Variants in NKX6-1 observed in about 807,000 individuals in gnomAD.
NKX6-1 encodes NK6 homeobox 1, also known as homeobox protein Nkx-6.1.
In NKX6-1, 11 loss-of-function variants were observed where a neutral mutation model predicts 24.9. That is an observed-to-expected ratio of 0.44 (90% CI 0.28 to 0.73). The LOEUF (loss-of-function observed/expected upper bound fraction) is 0.73, where lower values mean the gene tolerates loss of function less well. Among genes scored for constraint, NKX6-1 ranks in the 30% least tolerant of loss-of-function variants. The probability of loss-of-function intolerance (pLI) is 0.15; values close to 1 mark genes in which losing one functional copy is unlikely to be tolerated. For missense variants in NKX6-1, 487 were observed against 502.9 expected (o/e 0.97, Z 0.30); for synonymous variants, 277 against 242.9 (o/e 1.14, Z -1.31).
Position 84,492,970 on chromosome 4 carries a change from G to C in NKX6-1, c.*319C>G, listed in dbSNP as rs981654118. On this transcript the variant is annotated 3_prime_UTR_variant, in exon 3 of 3. Transcript: ENST00000295886. ...TGGGGGCGAGGGGGACCCGGGCGCTGAGGCCGCTGCCCGCCTATGGGGACG... is the reference window on the plus strand; with the variant it reads ...TGGGGGCGAGGGGGACCCGGGCGCTCAGGCCGCTGCCCGCCTATGGGGACG... 2.8e-5 allele frequency: 5 copies of C among 181,606 alleles called. No individual in the cohort carries two copies. Among genetic ancestry groups the C allele is most frequent in the Admixed American group, 6.2e-5 (1 of 16,070 alleles). 11.2% of individuals were successfully genotyped at this position (181,606 alleles called of 1,614,324 possible).
chr4:84,494,305 C>A (rs1331790810), intron 2 of NKX6-1, among the ~76,000 whole-genome samples: 2 of 151,900 alleles, frequency 1.3e-5, no homozygotes, highest in Non-Finnish European at 2.9e-5. Context: ...TTGTCAATTA[C>A]ATTATTTTCC....
At position 84,497,666 on chromosome 4, in the gene NKX6-1, CCCACGGCGG is replaced by C. The variant is rs1720847145; in HGVS notation, c.554_562del (p.Ala185_Val187del). 1 of 1,275,234 alleles carries C rather than the reference CCCACGGCGG, an allele frequency of 7.8e-7. No individual in the cohort carries two copies. Among genetic ancestry groups the C allele is most frequent in the Non-Finnish European group, 9.9e-7 (1 of 1,006,590 alleles). 79.0% of individuals were successfully genotyped at this position (1,275,234 alleles called of 1,614,324 possible). A position where few individuals can be genotyped will look rare whatever the true frequency, so the allele number is the denominator to read the frequency against. ...CTCAGCCAGCGGCTTGGGGTACCGG[CCCACGGCGG>C]CCACGGCCGCGGCGCTGGGGCTGAA... On this transcript the variant is annotated inframe_deletion, in exon 1 of 3. Transcript: ENST00000295886. This position sits in a 1 kb window ranked among gnomAD's most constrained non-coding sequence, Gnocchi z 4.8.
chr4:84,497,823 C>A lies in NKX6-1; in HGVS notation c.406G>T (p.Ala136Ser). The change falls in exon 1 of 3, where the codon GCC (alanine) becomes TCC (serine). Residue 136 changes from alanine (A) to serine (S), a missense_variant. Ala to Ser is a moderately conservative substitution (Grantham distance 99, BLOSUM62 1). Transcript: ENST00000295886. This position sits in a 1 kb window ranked among gnomAD's most constrained non-coding sequence, Gnocchi z 4.8. ...SSSSSASASSASAAAAAAAAA... is the reference protein window; with the variant it reads ...SSSSSASASSSSAAAAAAAAA... ...GCAGCAGCCGCGGCGGCGGCAGAGG[C>A]GGAGGAGGCAGAGGCGGACGAGGAA... 7.9e-7 allele frequency: 1 copy of A among 1,272,590 alleles called. No individual in the cohort carries two copies. 78.8% of individuals were successfully genotyped at this position (1,272,590 alleles called of 1,614,324 possible). A position where few individuals can be genotyped will look rare whatever the true frequency, so the allele number is the denominator to read the frequency against.
At chr4:84,494,434 A>G (rs1656277405) in intron 2 of NKX6-1, among the ~76,000 whole-genome samples, 1 of 152,244 alleles carries the variant, frequency 6.6e-6, no homozygotes, top group South Asian at 2.1e-4. Context: ...CTAAAGCATC[A>G]GCAAGAAGCA....
In NKX6-1 at chr4:84,493,280, CG is replaced by C. The variant is rs1218578061; in HGVS notation, c.*8del. 1 of 1,379,830 alleles carries C rather than the reference CG, an allele frequency of 7.2e-7. No homozygotes were observed. The highest frequency in any genetic ancestry group is 1.5e-5 in the African/African-American group (1 of 66,468). The allele number at this position is 1,379,830 out of a possible 1,614,324, so 85.5% of individuals were successfully genotyped here. On this transcript the variant is annotated 3_prime_UTR_variant, in exon 3 of 3. Transcript: ENST00000295886. The surrounding 1 kb of genome is among the most constrained non-coding windows in gnomAD (Gnocchi z 5.1). The stretch of plus-strand genomic sequence containing the variant: ...GCCGGAGCCGGGAAGGTGCGGCGGG[CG>C]GCGGCGTTCAGGATGAGCTCTCCGG...
rs1462539403 is a variant in NKX6-1, at chr4:84,497,462, G to C, written c.670+97C>G. 8.0e-7 allele frequency: 1 copy of C among 1,245,420 alleles called. No homozygotes were observed. The highest frequency in any genetic ancestry group is 1.6e-5 in the African/African-American group (1 of 64,374). The allele number at this position is 1,245,420 out of a possible 1,614,324, so 77.1% of individuals were successfully genotyped here. A position where few individuals can be genotyped will look rare whatever the true frequency, so the allele number is the denominator to read the frequency against. On this transcript the variant is annotated intron_variant, in intron 1 of 2. Transcript: ENST00000295886. The surrounding 1 kb of genome is among the most constrained non-coding windows in gnomAD (Gnocchi z 4.8). ...TGTCAAACTACTGGGGCGGGCCACA[G>C]GATGGACTGAGCGGCATGCACACCA...
In NKX6-1 at chr4:84,498,651, A is replaced by G. The variant is rs1190205234; in HGVS notation, c.-423T>C. Among the ~76,000 whole-genome samples, 2 of 152,156 alleles carry G rather than the reference A, an allele frequency of 1.3e-5. No homozygotes were observed. Among genetic ancestry groups the G allele is most frequent in the African/African-American group, 4.8e-5 (2 of 41,434 alleles). On this transcript the variant is annotated 5_prime_UTR_variant, in exon 1 of 3. Transcript: ENST00000295886. ...TAGCAAAGTTAGTTGCCGAATCTCC[A>G]CTTTGAAGTTGGAGGGTGGGGGTGG...
chr4:84,495,865 C>T (rs1560616476), intron 1 of NKX6-1, 21 bp from the exon 2 acceptor site: 1 of 1,611,444 alleles, frequency 6.2e-7, no homozygotes, highest in South Asian at 1.1e-5. Context: ...CAATAAACAA[C>T]GAGAGAGGGG....
At chr4:84,494,178 A>AAAAC (rs1720777898) in intron 2 of NKX6-1, among the ~76,000 whole-genome samples, 1 of 151,204 alleles carries the variant, frequency 6.6e-6, no homozygotes, top group Non-Finnish European at 1.5e-5. Context: ...GCACTTCAAA[A>AAAAC]AAAAAAAAAA....
rs369343185 is a variant in NKX6-1 at position 84,493,373 on chromosome 4, C to T, written c.1020G>A (p.Thr340=). 2.5e-5 allele frequency: 41 copies of T among 1,613,954 alleles called. No individual in the cohort carries two copies. The African/African-American group carries it at 4.1e-4, about 16-fold the overall frequency. ...LDPNSDDEKI[T]QLLKKHKSSS... ...TGGACTTGTGCTTCTTCAACAGCTG[C>T]GTGATTTTCTCGTCGTCCGAGTTGG... Residue 340 remains threonine, a synonymous_variant, in exon 3 of 3, where the codon ACG becomes ACA. Transcript: ENST00000295886. The surrounding 1 kb of genome is among the most constrained non-coding windows in gnomAD (Gnocchi z 5.1).
chr4:84,493,812 C>A lies in NKX6-1; in HGVS notation c.844-263G>T, dbSNP rs1720772150. Among the ~76,000 whole-genome samples, 1 of 152,142 alleles carries A rather than the reference C, an allele frequency of 6.6e-6. No individual in the cohort carries two copies. Among genetic ancestry groups the A allele is most frequent in the African/African-American group, 2.4e-5 (1 of 41,408 alleles). ...CAAGAGTATTGAGGTTGTCAGTGAG[C>A]GAGTTCTCAAAAGTAAAAACAAAAC... On this transcript the variant is annotated intron_variant, in intron 2 of 2. Coordinates refer to ENST00000295886, the MANE Select transcript of NKX6-1 (RefSeq NM_006168.3). This position sits in a 1 kb window ranked among gnomAD's most constrained non-coding sequence, Gnocchi z 5.1.
At position 84,493,655 on chromosome 4, in the gene NKX6-1, C is replaced by T. The variant is rs1720769738; in HGVS notation, c.844-106G>A. ...GCATCTCGATGGCCCTCCCGCGGCC[C>T]CCCGAAGGCCTGCTGCCCTCCCTCG... On this transcript the variant is annotated intron_variant, in intron 2 of 2. Transcript: ENST00000295886. The surrounding 1 kb of genome is among the most constrained non-coding windows in gnomAD (Gnocchi z 5.1). 1 of 1,395,806 alleles carries T rather than the reference C, an allele frequency of 7.2e-7. No individual in the cohort carries two copies. Among genetic ancestry groups the T allele is most frequent in the Middle Eastern group, 2.6e-4 (1 of 3,918 alleles). 86.5% of individuals were successfully genotyped at this position (1,395,806 alleles called of 1,614,324 possible).
chr4:84,493,276 CG>C lies in NKX6-1; in HGVS notation c.*12del. ...GGAGGCCGGAGCCGGGAAGGTGCGG[CG>C]GGCGGCGGCGTTCAGGATGAGCTCT... On this transcript the variant is annotated 3_prime_UTR_variant, in exon 3 of 3. Transcript: ENST00000295886. This position sits in a 1 kb window ranked among gnomAD's most constrained non-coding sequence, Gnocchi z 5.1. 7.1e-7 allele frequency: 1 copy of C among 1,408,670 alleles called. No individual in the cohort carries two copies. The allele number at this position is 1,408,670 out of a possible 1,614,324, so 87.3% of individuals were successfully genotyped here. A position where few individuals can be genotyped will look rare whatever the true frequency, so the allele number is the denominator to read the frequency against.
chr4:84,497,786 G>C lies in NKX6-1; in HGVS notation c.443C>G (p.Ala148Gly). The change falls in exon 1 of 3, where the codon GCC (alanine) becomes GGC (glycine). Residue 148 changes from alanine to glycine, a missense_variant. Coordinates refer to ENST00000295886, the MANE Select transcript of NKX6-1 (RefSeq NM_006168.3). The surrounding 1 kb of genome is among the most constrained non-coding windows in gnomAD (Gnocchi z 4.8). ...CAGCCCCGCCGGGGATGAGGCGGCGGCTGCGGCCGCGGCAGCAGCCGCGGC... is the reference window on the plus strand; with the variant it reads ...CAGCCCCGCCGGGGATGAGGCGGCGCCTGCGGCCGCGGCAGCAGCCGCGGC... Reference protein sequence around the residue: ...AAAAAAAAAAAAASSPAGLLA... With the variant: ...AAAAAAAAAAGAASSPAGLLA... The C allele has an allele frequency of 7.9e-7, 1 of 1,273,128 alleles. No individual in the cohort carries two copies. Among genetic ancestry groups the C allele is most frequent in the Non-Finnish European group, 9.9e-7 (1 of 1,013,274 alleles). 78.9% of individuals were successfully genotyped at this position (1,273,128 alleles called of 1,614,324 possible). A position where few individuals can be genotyped will look rare whatever the true frequency, so the allele number is the denominator to read the frequency against.
chr4:84,493,701 C>T lies in NKX6-1; in HGVS notation c.844-152G>A. 2.0e-6 allele frequency: 2 copies of T among 998,766 alleles called. No individual in the cohort carries two copies. Among genetic ancestry groups the T allele is most frequent in the Middle Eastern group, 3.3e-4 (1 of 3,004 alleles). 61.9% of individuals were successfully genotyped at this position (998,766 alleles called of 1,614,324 possible). Reference sequence around the variant, plus strand: ...CCTCGCAGCCCTCCCTTTTCTCGGCCGTCAAAGTCAGTCTCCGTCGCCCCA... The same window carrying T: ...CCTCGCAGCCCTCCCTTTTCTCGGCTGTCAAAGTCAGTCTCCGTCGCCCCA... On this transcript the variant is annotated intron_variant, in intron 2 of 2. Coordinates refer to ENST00000295886, the MANE Select transcript of NKX6-1 (RefSeq NM_006168.3). The surrounding 1 kb of genome is among the most constrained non-coding windows in gnomAD (Gnocchi z 5.1).
At position 84,493,734 on chromosome 4, in the gene NKX6-1, C is replaced by T. The variant is rs529970803; in HGVS notation, c.844-185G>A. ...TCAGTCTCCGTCGCCCCAAGTTCCC[C>T]CTGAGTAACTGGCACCAACAAACTG... On this transcript the variant is annotated intron_variant, in intron 2 of 2. Transcript: ENST00000295886. This position sits in a 1 kb window ranked among gnomAD's most constrained non-coding sequence, Gnocchi z 5.1. Among the ~76,000 whole-genome samples, 4 of 152,318 alleles carry T rather than the reference C, an allele frequency of 2.6e-5. No homozygotes were observed. The East Asian group carries it at 7.7e-4, about 29-fold the overall frequency.
In NKX6-1 at chr4:84,498,592, C is replaced by T. The variant is rs1243648229; in HGVS notation, c.-364G>A. ...TCATCTTCTGCCCCCGGGAAATAAG[C>T]AAAACAAAACCCAGGCTGGCTCCGG... On this transcript the variant is annotated 5_prime_UTR_variant, in exon 1 of 3. Transcript: ENST00000295886. 5 of 237,846 alleles carry T rather than the reference C, an allele frequency of 2.1e-5. No homozygotes were observed. Among genetic ancestry groups the T allele is most frequent in the Non-Finnish European group, 4.0e-5 (5 of 124,692 alleles). 14.7% of individuals were successfully genotyped at this position (237,846 alleles called of 1,614,324 possible).
At chr4:84,494,174 CAAAAAA>C (rs34303850) in intron 2 of NKX6-1, among the ~76,000 whole-genome samples, 3 of 107,584 alleles carry the variant, frequency 2.8e-5, no homozygotes, top group African/African-American at 6.3e-5. Context: ...TGGTGCACTT[CAAAAAA>C]AAAAAAAAAA....
In NKX6-1 at chr4:84,493,166, C is replaced by G. The variant is rs1720756123; in HGVS notation, c.*123G>C. ...TCTCAAAAATAGCAAAGGGTCCCCG[C>G]AGGCAGGGCCGGGTCCTCCGGGCCC... is the stretch of plus-strand genomic sequence containing the variant. On this transcript the variant is annotated 3_prime_UTR_variant, in exon 3 of 3. Transcript: ENST00000295886. The surrounding 1 kb of genome is among the most constrained non-coding windows in gnomAD (Gnocchi z 5.1). 1 of 872,772 alleles carries G rather than the reference C, an allele frequency of 1.1e-6. No homozygotes were observed. Among genetic ancestry groups the G allele is most frequent in the Non-Finnish European group, 1.6e-6 (1 of 637,124 alleles). 54.1% of individuals were successfully genotyped at this position (872,772 alleles called of 1,614,324 possible). A position where few individuals can be genotyped will look rare whatever the true frequency, so the allele number is the denominator to read the frequency against.
Sources: allele counts gnomAD v4.1 joint callset (sites outside exome capture counted in the v4.1 genomes callset), GRCh38; gene constraint gnomAD v4.1.1; non-coding constraint Gnocchi (gnomAD v3.1); transcripts MANE v1.5; gene names NCBI Gene and HGNC (gene_info 2026-07-23, HGNC 2026-07-21).